Variants in LRRC43 observed in about 807,000 individuals in gnomAD.
The protein encoded by LRRC43 is leucine-rich repeat-containing protein 43.
In LRRC43, 62 loss-of-function variants were observed where a neutral mutation model predicts 64.3. The ratio of observed to expected loss-of-function variants is 0.96; its 90% CI spans 0.79 to 1.19. The LOEUF is 1.19. Among genes scored for constraint, LRRC43 ranks in the 50% most tolerant of loss-of-function variants. The probability of loss-of-function intolerance (pLI) is 0.00; values close to 1 mark genes in which losing one functional copy is unlikely to be tolerated. For synonymous variants in LRRC43, 422 were observed against 382.3 expected (o/e 1.10, Z -1.21); for missense variants, 868 against 845.0 (o/e 1.03, Z -0.34).
intron 1 of LRRC43, chr12:122,167,886 C>T (rs1593136564): frequency 6.6e-6 from 1 of 151,174 alleles, no homozygotes; most frequent in African/African-American, 2.4e-5. Context: ...GCAATCTCCA[C>T]TCACTGCAAC....
chr12:122,174,021 T>A, intron 1 of LRRC43: 1 of 1,613,588 alleles, frequency 6.2e-7, no homozygotes, highest in Non-Finnish European at 8.5e-7. Flanking sequence ...CGTGAGCGCA[T>A]ACATCACACA....
intron 11 of LRRC43, among the ~76,000 whole-genome samples, chr12:122,201,562 C>T (rs872451): frequency 4.6e-5 from 7 of 151,998 alleles, no homozygotes; most frequent in East Asian, 1.9e-4. Flanking sequence ...AGAGCCATAG[C>T]GGGGCAAGAG....
chr12:122,173,839 C>T, intron 1 of LRRC43: 1 of 1,612,798 alleles, frequency 6.2e-7, no homozygotes, highest in Non-Finnish European at 8.5e-7. Flanking sequence ...CTCTAGGACA[C>T]TCACATCTTT....
At chr12:122,173,423 C>G (rs1953506850) in intron 1 of LRRC43, among the ~76,000 whole-genome samples, 1 of 152,218 alleles carries the variant, frequency 6.6e-6, no homozygotes, top group Admixed American at 6.5e-5. Context: ...GTGGCTCACG[C>G]CTGTAATCCC....
chr12:122,169,787 G>C (rs1953469666), intron 1 of LRRC43, among the ~76,000 whole-genome samples: 1 of 143,342 alleles, frequency 7.0e-6, no homozygotes, highest in African/African-American at 2.6e-5. Context: ...TATTTATCTT[G>C]TCAACCATTT....
intron 11 of LRRC43, chr12:122,202,562 A>G (rs1953854642): frequency 6.6e-6 from 1 of 152,234 alleles, no homozygotes; most frequent in East Asian, 1.9e-4. Flanking sequence ...TGTAAACTAC[A>G]GGTTAACAGA....
chr12:122,182,917 G>C (rs1313344365), upstream of LRRC43: 6 of 598,524 alleles, frequency 1.0e-5, no homozygotes, highest in African/African-American at 9.9e-5. Context: ...CAGGAGCTAA[G>C]AAACAGGTCA....
intron 7 of LRRC43, among the ~76,000 whole-genome samples, chr12:122,193,364 A>T (rs1307471482): frequency 2.3e-5 from 3 of 132,176 alleles, no homozygotes; most frequent in African/African-American, 8.7e-5. Context: ...CCGGCGACAG[A>T]GCGAGACTCC....
intron 11 of LRRC43, 34 bp downstream of exon 11, chr12:122,201,363 T>C (rs1953837099): frequency 6.2e-7 from 1 of 1,609,026 alleles, no homozygotes; most frequent in Non-Finnish European, 8.5e-7. Context: ...AAGGCAGGGA[T>C]TGTCAGGAGG....
chr12:122,199,652 T>C (rs937823128), intron 7 of LRRC43, among the ~76,000 whole-genome samples: 2 of 151,472 alleles, frequency 1.3e-5, no homozygotes, highest in Admixed American at 6.6e-5. Flanking sequence ...GGCATGAACA[T>C]GGCTCACTGC....
chr12:122,183,108 C>G (rs1398567356), upstream of LRRC43: 6 of 1,519,978 alleles, frequency 3.9e-6, no homozygotes, highest in East Asian at 2.6e-5. Flanking sequence ...CCCCCGCGCA[C>G]GCGTCCTAGC....
At chr12:122,183,044 C>T (rs535982198), upstream of LRRC43, 2 of 1,442,470 alleles carry the variant, frequency 1.4e-6, no homozygotes, top group African/African-American at 1.5e-5. Flanking sequence ...GCTGTCTGAT[C>T]CGGATGGGGG....
intron 2 of LRRC43, among the ~76,000 whole-genome samples, chr12:122,185,851 T>C (rs1026765948): frequency 6.6e-6 from 1 of 152,180 alleles, no homozygotes; most frequent in African/African-American, 2.4e-5. Context: ...CCTGGACACC[T>C]TGACTGACTT....
chr12:122,201,565 G>T (rs1953839226), intron 11 of LRRC43, among the ~76,000 whole-genome samples: 1 of 152,220 alleles, frequency 6.6e-6, no homozygotes, highest in South Asian at 2.1e-4. Flanking sequence ...GCCATAGCGG[G>T]GCAAGAGCTT....
intron 7 of LRRC43, among the ~76,000 whole-genome samples, chr12:122,195,252 C>T (rs1953763239): frequency 6.6e-6 from 1 of 151,518 alleles, no homozygotes; most frequent in South Asian, 2.1e-4. Context: ...TACCCCAGAA[C>T]ATTTTTTTTT....
In LRRC43 at chr12:122,187,772, G is replaced by A; in HGVS notation, c.594G>A (p.Gln198=). The stretch of plus-strand genomic sequence containing the variant: ...GTGCCCACCCACCCGCCGGCCTGCA[G>A]CACTTGGGGTTAGGCCACAACAAAC... The part of the protein sequence containing the change: ...CLCAHPPAGL[Q]HLGLGHNKLL... Residue 198 remains glutamine (Q), a synonymous_variant, in exon 4 of 12, where the codon CAG becomes CAA. Transcript: ENST00000339777. 1 of 1,614,074 alleles carries A rather than the reference G, an allele frequency of 6.2e-7. No homozygotes were observed.
At chr12:122,197,019 T>C (rs1953779173) in intron 7 of LRRC43, among the ~76,000 whole-genome samples, 1 of 152,126 alleles carries the variant, frequency 6.6e-6, no homozygotes, top group Non-Finnish European at 1.5e-5. Flanking sequence ...AGGTGTCTGG[T>C]AGGCAGGAAC....
chr12:122,177,476 AGTGTGTGTGTGTGTGTGTGTGT>A (rs67103998), intron 1 of LRRC43, among the ~76,000 whole-genome samples: 2 of 143,476 alleles, frequency 1.4e-5, no homozygotes, highest in Admixed American at 7.1e-5. Context: ...TGAGAGAGAA[AGTGTGTGTGTGTGTGTGTGTGT>A]GTGTGTGTGT....
intron 6 of LRRC43, 45 bp downstream of exon 6, chr12:122,191,612 G>T (rs573345830): frequency 4.2e-5 from 62 of 1,470,374 alleles, no homozygotes; most frequent in Admixed American, 1.0e-4. Flanking sequence ...CTCTTGTGAA[G>T]GCTGAACTGC....
Sources: allele counts gnomAD v4.1 joint callset (sites outside exome capture counted in the v4.1 genomes callset), GRCh38; gene constraint gnomAD v4.1.1; transcripts MANE v1.5; gene names NCBI Gene and HGNC (gene_info 2026-07-23, HGNC 2026-07-21).